IL1RAPL1: variants seen among roughly 807,000 people sequenced by gnomAD.
IL1RAPL1 encodes the protein interleukin 1 receptor accessory protein like 1.
Under a neutral mutation model 48.4 loss-of-function variants are expected in IL1RAPL1, and 3 were observed. The ratio of observed to expected loss-of-function variants is 0.06; its 90% CI spans 0.03 to 0.16. IL1RAPL1 has a LOEUF of 0.16. Among genes scored for constraint, IL1RAPL1 ranks in the 10% least tolerant of loss-of-function variants. IL1RAPL1 has a pLI of 1.00. For missense variants in IL1RAPL1, 349 were observed against 530.6 expected, an observed-to-expected ratio of 0.66 and a Z score of 3.36; for synonymous variants, 185 against 187.7, an observed-to-expected ratio of 0.99 and a Z score of 0.12.
chrX:29,127,936 T>G (rs1018224793), intron 2 of IL1RAPL1, among the ~76,000 whole-genome samples: 1 of 105,854 alleles, frequency 9.4e-6, no homozygotes, highest in Non-Finnish European at 1.9e-5. Context: ...TGCACTCCAG[T>G]CTGGGAGACA....
At chrX:29,193,525 C>T (rs1328727168) in intron 2 of IL1RAPL1, among the ~76,000 whole-genome samples, 1 of 110,550 alleles carries the variant, frequency 9.0e-6, no homozygotes, top group Admixed American at 9.8e-5. Context: ...CCCAATACAT[C>T]GTAGATCTAG....
chrX:28,898,665 T>C (rs771820136), intron 2 of IL1RAPL1, among the ~76,000 whole-genome samples: 1 of 111,676 alleles, frequency 9.0e-6, no homozygotes, highest in African/African-American at 3.3e-5. Flanking sequence ...AAAGGACTGG[T>C]GCTCCTCAAA....
At chrX:29,329,033 A>G (rs186504579) in intron 3 of IL1RAPL1, among the ~76,000 whole-genome samples, 80 of 111,493 alleles carry the variant, frequency 7.2e-4, no homozygotes, top group Middle Eastern at 4.6e-3. Flanking sequence ...AAATTTCCCA[A>G]TCACTTAATC....
chrX:29,874,857 CA>C (rs934334066), intron 6 of IL1RAPL1, among the ~76,000 whole-genome samples: 5 of 111,644 alleles, frequency 4.5e-5, no homozygotes, highest in Admixed American at 9.5e-5. Flanking sequence ...AAATTTCCAC[CA>C]AAAAAAATTT....
At position 29,476,872 on chromosome X, in the gene IL1RAPL1, CT is replaced by C. The variant is rs1198120274; in HGVS notation, c.703+77583del. The stretch of plus-strand genomic sequence containing the variant: ...GACTCATTTACTTTTTACCCATATT[CT>C]TTTTTTTTTTTTTTTTTTGAGACGG... On this transcript the variant is annotated intron_variant, in intron 5 of 10. Transcript: ENST00000378993. Among the ~76,000 whole-genome samples, 28 of 53,895 alleles carry C rather than the reference CT, an allele frequency of 5.2e-4. 1 individual carries two copies. The highest frequency in any genetic ancestry group is 1.2e-3 in the South Asian group (1 of 803). 46.8% of individuals were successfully genotyped at this position (53,895 alleles called of 115,157 possible).
chrX:29,306,747 G>C (rs1233538997), intron 3 of IL1RAPL1, among the ~76,000 whole-genome samples: 1 of 102,202 alleles, frequency 9.8e-6, no homozygotes, highest in Non-Finnish European at 2.0e-5. Flanking sequence ...TATAGTCCCA[G>C]CTACTTGGGA....
intron 2 of IL1RAPL1, among the ~76,000 whole-genome samples, chrX:28,969,239 T>C (rs986057267): frequency 1.1e-4 from 12 of 112,367 alleles, no homozygotes; most frequent in Admixed American, 4.7e-4. Flanking sequence ...TGGTTACTTA[T>C]TAAAACCTAC....
intron 1 of IL1RAPL1, among the ~76,000 whole-genome samples, chrX:28,689,579 A>T (rs1209089803): frequency 1.8e-5 from 2 of 112,041 alleles, no homozygotes; most frequent in Non-Finnish European, 3.8e-5. Flanking sequence ...AAATTATTTA[A>T]AAATATTTTT....
chrX:29,159,571 G>GAC, intron 2 of IL1RAPL1, among the ~76,000 whole-genome samples: 1 of 112,025 alleles, frequency 8.9e-6, no homozygotes, highest in Non-Finnish European at 1.9e-5. Context: ...TTTCTGAAGT[G>GAC]ACACACATTT....
intron 2 of IL1RAPL1, among the ~76,000 whole-genome samples, chrX:29,070,286 G>T (rs546643281): frequency 9.0e-6 from 1 of 111,393 alleles, no homozygotes; most frequent in Non-Finnish European, 1.9e-5. Flanking sequence ...GATTCTATTC[G>T]CTAGCTTATG....
In IL1RAPL1 at chrX:29,162,968, G is replaced by A. The variant is rs756443903; in HGVS notation, c.83-119970G>A. 5.3e-3 allele frequency among the ~76,000 whole-genome samples: 577 copies of A among 109,537 alleles called. 2 individuals carry two copies. Among genetic ancestry groups the A allele is most frequent in the Non-Finnish European group, 7.8e-3 (412 of 52,640 alleles). On this transcript the variant is annotated intron_variant, in intron 2 of 10. Transcript: ENST00000378993. ...GGCGCCTGTAATCCCAGCTACTCGG[G>A]AGGCTGAGGCAGGAGAATCACTTGA...
At chrX:28,780,787 T>A (rs1369351899) in intron 1 of IL1RAPL1, among the ~76,000 whole-genome samples, 1 of 110,306 alleles carries the variant, frequency 9.1e-6, no homozygotes, top group Non-Finnish European at 1.9e-5. Flanking sequence ...CTGTAGTTTT[T>A]AAGTCATTTT....
chrX:29,725,915 A>C (rs1029580047), intron 6 of IL1RAPL1, among the ~76,000 whole-genome samples: 4 of 112,264 alleles, frequency 3.6e-5, no homozygotes, highest in African/African-American at 1.3e-4. Flanking sequence ...TATTCTCTTC[A>C]TGATGAGAAA....
chrX:28,642,775 G>A (rs942051198), intron 1 of IL1RAPL1, among the ~76,000 whole-genome samples: 31 of 111,351 alleles, frequency 2.8e-4, no homozygotes, highest in Non-Finnish European at 5.1e-4. Context: ...AAACAAATTC[G>A]AAAGCTAGCA....
intron 5 of IL1RAPL1, among the ~76,000 whole-genome samples, chrX:29,646,398 G>A (rs1470555185): frequency 2.7e-5 from 3 of 111,322 alleles, no homozygotes; most frequent in Non-Finnish European, 5.7e-5. Flanking sequence ...AAAATATACG[G>A]TAAGATGAGA....
chrX:29,268,460 C>T (rs1931990788), intron 2 of IL1RAPL1, among the ~76,000 whole-genome samples: 1 of 107,302 alleles, frequency 9.3e-6, no homozygotes, highest in Non-Finnish European at 2.0e-5. Flanking sequence ...GTGGCCTTTT[C>T]TGTCAAATAC....
At chrX:28,850,325 G>C (rs916184332) in intron 2 of IL1RAPL1, among the ~76,000 whole-genome samples, 2 of 111,199 alleles carry the variant, frequency 1.8e-5, no homozygotes, top group African/African-American at 3.3e-5. Context: ...CTGGGCTCGA[G>C]ATGCTGCTTT....
chrX:29,224,688 A>T (rs866094439), intron 2 of IL1RAPL1, among the ~76,000 whole-genome samples: 2 of 112,063 alleles, frequency 1.8e-5, no homozygotes, highest in Non-Finnish European at 3.8e-5. Context: ...TTCAAAAAGT[A>T]TTATTCTGCT....
At chrX:29,578,915 G>T (rs750589982) in intron 5 of IL1RAPL1, among the ~76,000 whole-genome samples, 1 of 111,863 alleles carries the variant, frequency 8.9e-6, no homozygotes, top group Non-Finnish European at 1.9e-5. Context: ...GGCAATTTGG[G>T]CTGTGTTCTG....
Sources: gnomAD v4.1 joint callset for allele counts (sites outside exome capture counted in the v4.1 genomes callset) on GRCh38, gnomAD v4.1.1 for gene constraint, MANE v1.5 for transcripts, NCBI Gene and HGNC (gene_info 2026-07-23, HGNC 2026-07-21) for gene names.